USP32: variants seen among roughly 807,000 people sequenced by gnomAD.
USP32 encodes ubiquitin specific peptidase 32.
USP32 carries 59 observed loss-of-function variants against 204.8 expected under a neutral mutation model. That is an observed-to-expected ratio of 0.29 (90% CI 0.23 to 0.36). The LOEUF (loss-of-function observed/expected upper bound fraction) is 0.36. Ranked by LOEUF, USP32 falls within the 10% of genes least tolerant of loss-of-function variation. The probability of loss-of-function intolerance (pLI) is 1.00; values close to 1 mark genes in which losing one functional copy is unlikely to be tolerated. For synonymous variants in USP32, 517 were observed against 678.4 expected, an observed-to-expected ratio of 0.76 and a Z score of 3.70; for missense variants, 1,160 against 1,946.4, an observed-to-expected ratio of 0.60 and a Z score of 7.60.
intron 5 of USP32, among the ~76,000 whole-genome samples, chr17:60,288,091 G>A (rs1225541022): frequency 7.5e-6 from 1 of 133,480 alleles, no homozygotes; most frequent in Non-Finnish European, 1.5e-5. Flanking sequence ...TCGAGGCTGG[G>A]CAACAGAGGG....
chr17:60,381,266 T>G (rs2089641735), intron 1 of USP32, among the ~76,000 whole-genome samples: 3 of 151,944 alleles, frequency 2.0e-5, no homozygotes. Context: ...ACAGTGAGAT[T>G]CCCGTCACTA....
intron 25 of USP32, 91 bp downstream of exon 25, chr17:60,206,930 T>C: frequency 4.6e-6 from 7 of 1,517,304 alleles, no homozygotes; most frequent in Non-Finnish European, 6.2e-6. Context: ...TGCTATAATA[T>C]CCTCAGCATG....
chr17:60,412,857 C>T (rs2090029215), intron 1 of USP32, among the ~76,000 whole-genome samples: 1 of 152,190 alleles, frequency 6.6e-6, no homozygotes, highest in African/African-American at 2.4e-5. Context: ...GCAAAGAAAA[C>T]CTTCCAGAAA....
intron 11 of USP32, among the ~76,000 whole-genome samples, chr17:60,241,267 G>A (rs2085870500): frequency 6.6e-6 from 1 of 152,054 alleles, no homozygotes; most frequent in Non-Finnish European, 1.5e-5. Flanking sequence ...CCAAAGTGCT[G>A]GGATTACAGG....
intron 5 of USP32, among the ~76,000 whole-genome samples, chr17:60,282,903 A>C (rs2087003750): frequency 6.6e-6 from 1 of 152,216 alleles, no homozygotes; most frequent in South Asian, 2.1e-4. Flanking sequence ...CACTAAACTA[A>C]GAAAAACTCA....
chr17:60,183,815 G>A (rs2084176403), intron 30 of USP32, among the ~76,000 whole-genome samples: 1 of 152,140 alleles, frequency 6.6e-6, no homozygotes, highest in Non-Finnish European at 1.5e-5. Flanking sequence ...TCACCACATT[G>A]TACCCCTTGT....
intron 1 of USP32, among the ~76,000 whole-genome samples, chr17:60,373,552 T>C (rs2089484897): frequency 6.6e-6 from 1 of 151,008 alleles, no homozygotes; most frequent in Non-Finnish European, 1.5e-5. Context: ...CAAGCAATTC[T>C]CGTGCCTCAG....
At chr17:60,251,448 T>C (rs1164737462) in intron 11 of USP32, among the ~76,000 whole-genome samples, 2 of 152,198 alleles carry the variant, frequency 1.3e-5, no homozygotes, top group African/African-American at 4.8e-5. Context: ...TAAACTCCCA[T>C]CTATCCAGAA....
In USP32 at chr17:60,178,628, G is replaced by A. The variant is rs899173627; in HGVS notation, c.*627C>T. Among the ~76,000 whole-genome samples, 1 of 152,126 alleles carries A rather than the reference G, an allele frequency of 6.6e-6. No homozygotes were observed. The highest frequency in any genetic ancestry group is 2.4e-5 in the African/African-American group (1 of 41,404). ...TTCAGACTGACCACTATATGCCCCTGCCACCAATGACTGGTTGTGTCTCAA... is the reference window on the plus strand; with the variant it reads ...TTCAGACTGACCACTATATGCCCCTACCACCAATGACTGGTTGTGTCTCAA... On this transcript the variant is annotated 3_prime_UTR_variant, in exon 34 of 34. Coordinates refer to ENST00000300896, the MANE Select transcript of USP32 (RefSeq NM_032582.4).
intron 1 of USP32, among the ~76,000 whole-genome samples, chr17:60,414,022 G>A (rs12939468): frequency 6.6e-6 from 1 of 152,080 alleles, no homozygotes; most frequent in Non-Finnish European, 1.5e-5. Flanking sequence ...TGCTAGCAGA[G>A]TAGGATGTGG....
rs901444610 is a variant in USP32 at position 60,301,534 on chromosome 17, C to G, written c.292+65G>C. ...TCAATTCAAATCCTCTACCTGTCAT[C>G]AGAATTTTGAGATAAATTATTCTGT... On this transcript the variant is annotated intron_variant, in intron 3 of 33. Transcript: ENST00000300896. 2.9e-6 allele frequency: 3 copies of G among 1,020,346 alleles called. No homozygotes were observed. The Admixed American group carries it at 1.0e-4, about 35-fold the overall frequency. The allele number at this position is 1,020,346 out of a possible 1,614,324, so 63.2% of individuals were successfully genotyped here. A position where few individuals can be genotyped will look rare whatever the true frequency, so the allele number is the denominator to read the frequency against.
chr17:60,223,449 T>C lies in USP32; in HGVS notation c.1570A>G (p.Ile524Val). 6.2e-7 allele frequency: 1 copy of C among 1,612,286 alleles called. No individual in the cohort carries two copies. The highest frequency in any genetic ancestry group is 8.5e-7 in the Non-Finnish European group (1 of 1,179,588). The change falls in exon 14 of 34, where the codon ATT (isoleucine) becomes GTT (valine). Residue 524 changes from isoleucine (I) to valine (V), a missense_variant. Coordinates refer to ENST00000300896, the MANE Select transcript of USP32 (RefSeq NM_032582.4). The stretch of plus-strand genomic sequence containing the variant: ...TGAGTTACTAATGGCTGATTATCAA[T>C]AGCCCCTGGTTTCTGAGGGTTAAGG... Reference protein sequence around the residue: ...LHLNPQKPGAIDNQPLVTQEP... With the variant: ...LHLNPQKPGAVDNQPLVTQEP...
At chr17:60,307,906 C>T (rs1048481054) in intron 2 of USP32, among the ~76,000 whole-genome samples, 50 of 152,318 alleles carry the variant, frequency 3.3e-4, no homozygotes, top group Admixed American at 2.4e-3. Context: ...AGTGGCTGGA[C>T]GTCCAGAGGA....
At chr17:60,265,896 T>A (rs1036524168) in intron 8 of USP32, 80 bp downstream of exon 8, 15 of 1,113,002 alleles carry the variant, frequency 1.3e-5, no homozygotes, top group Admixed American at 2.0e-5. Flanking sequence ...CAAATTATTT[T>A]ATGCTTTTAA....
chr17:60,413,174 A>ATATC (rs1208521904), intron 1 of USP32, among the ~76,000 whole-genome samples: 4 of 152,314 alleles, frequency 2.6e-5, no homozygotes, highest in South Asian at 2.1e-4. Flanking sequence ...AGTTGGAGAG[A>ATATC]TGCTCATGAC....
chr17:60,177,966 G>GA lies in USP32; in HGVS notation c.*1288dup, dbSNP rs1289561031. Among the ~76,000 whole-genome samples, 1 of 151,612 alleles carries GA rather than the reference G, an allele frequency of 6.6e-6. No individual in the cohort carries two copies. Among genetic ancestry groups the GA allele is most frequent in the Non-Finnish European group, 1.5e-5 (1 of 67,908 alleles). The stretch of plus-strand genomic sequence containing the variant: ...TCAAGTATATATTAAAAAACTACAC[G>GA]AAAAAAATGCTACCTGAAATAAATA... On this transcript the variant is annotated 3_prime_UTR_variant, in exon 34 of 34. Coordinates refer to ENST00000300896, the MANE Select transcript of USP32 (RefSeq NM_032582.4).
At chr17:60,421,244 TACAACAACA>T (rs1232353164) in intron 1 of USP32, 1 of 581,860 alleles carries the variant, frequency 1.7e-6, no homozygotes. Flanking sequence ...TTCCTCCCCT[TACAACAACA>T]ACAACGACAA....
intron 2 of USP32, among the ~76,000 whole-genome samples, chr17:60,333,657 G>T (rs2088443797): frequency 6.7e-6 from 1 of 150,016 alleles, no homozygotes; most frequent in Non-Finnish European, 1.5e-5. Flanking sequence ...GAAAGGGAGG[G>T]AGAGAAGGGA....
At chr17:60,327,046 T>C (rs2088257558) in intron 2 of USP32, among the ~76,000 whole-genome samples, 2 of 152,150 alleles carry the variant, frequency 1.3e-5, no homozygotes, top group African/African-American at 4.8e-5. Context: ...GAGGGAAAAG[T>C]TGTAGCATGC....
Sources: allele counts gnomAD v4.1 joint callset (sites outside exome capture counted in the v4.1 genomes callset), GRCh38; gene constraint gnomAD v4.1.1; transcripts MANE v1.5; gene names NCBI Gene and HGNC (gene_info 2026-07-23, HGNC 2026-07-21).